The following SLC8A3 variants were observed in gnomAD, a reference collection of about 807,000 sequenced individuals.
SLC8A3 encodes the protein sodium/calcium exchanger 3.
A neutral mutation model predicts 65.4 loss-of-function variants in SLC8A3; 37 were observed. That is an observed-to-expected ratio of 0.57 (90% confidence interval 0.44 to 0.74). The LOEUF is 0.74. SLC8A3 is among the 30% of genes least tolerant of loss of function. SLC8A3 has a pLI of 0.00. For missense variants in SLC8A3, 1,112 were observed against 1,172.1 expected (o/e 0.95, Z 0.75); for synonymous variants, 461 against 444.5 (o/e 1.04, Z -0.47).
At chr14:70,187,634 T>TG (rs1883415893) in intron 1 of SLC8A3, among the ~76,000 whole-genome samples, 8 of 148,214 alleles carry the variant, frequency 5.4e-5, no homozygotes, top group Non-Finnish European at 1.0e-4. Context: ...TGTGTGTGTG[T>TG]GTGTGTCCGC....
intron 5 of SLC8A3, 151 bp from the exon 6 acceptor site, chr14:70,049,193 G>A (rs1887170628): frequency 1.3e-6 from 1 of 756,934 alleles, no homozygotes; most frequent in African/African-American, 1.7e-5. Context: ...GGGCCAGCGT[G>A]CCAGAAAATA....
chr14:70,184,875 T>C (rs558397792), intron 1 of SLC8A3, among the ~76,000 whole-genome samples: 1 of 152,324 alleles, frequency 6.6e-6, no homozygotes, highest in Admixed American at 6.5e-5. Flanking sequence ...TGGAGTTCAA[T>C]GTTTTTCTGA....
chr14:70,157,157 G>T (rs573827023), intron 2 of SLC8A3, among the ~76,000 whole-genome samples: 1 of 152,220 alleles, frequency 6.6e-6, no homozygotes, highest in South Asian at 2.1e-4. Context: ...CCAGCCTACC[G>T]CCCCAGTACA....
At chr14:70,121,093 CT>C (rs548781931) in intron 2 of SLC8A3, among the ~76,000 whole-genome samples, 24 of 152,218 alleles carry the variant, frequency 1.6e-4, no homozygotes, top group African/African-American at 5.8e-4. Flanking sequence ...TCAGAAATGT[CT>C]TTTTTTCCCC....
chr14:70,140,262 G>T (rs1220037483), intron 2 of SLC8A3, among the ~76,000 whole-genome samples: 2 of 152,170 alleles, frequency 1.3e-5, no homozygotes, highest in Non-Finnish European at 2.9e-5. Flanking sequence ...CTGTCCCATT[G>T]TGATACCTTC....
chr14:70,133,075 A>G (rs1381965476), intron 2 of SLC8A3, among the ~76,000 whole-genome samples: 2 of 148,848 alleles, frequency 1.3e-5, no homozygotes, highest in Non-Finnish European at 2.9e-5. Flanking sequence ...GCAGCCCCTG[A>G]GACCAAACAG....
chr14:70,121,114 C>CA (rs1426347480), intron 2 of SLC8A3, among the ~76,000 whole-genome samples: 2 of 152,040 alleles, frequency 1.3e-5, no homozygotes, highest in Non-Finnish European at 2.9e-5. Flanking sequence ...CATATCAGTT[C>CA]AAAAAATACT....
intron 2 of SLC8A3, among the ~76,000 whole-genome samples, chr14:70,074,766 A>G (rs1890326682): frequency 1.3e-5 from 2 of 152,248 alleles, no homozygotes; most frequent in African/African-American, 4.8e-5. Flanking sequence ...TAATGCAATG[A>G]TTTTTAAAAG....
chr14:70,162,371 C>T (rs1404272025), intron 2 of SLC8A3, among the ~76,000 whole-genome samples: 1 of 152,174 alleles, frequency 6.6e-6, no homozygotes, highest in Non-Finnish European at 1.5e-5. Context: ...AGTTACCTTC[C>T]CTTTCTGAAT....
chr14:70,085,648 T>A (rs1165966235), intron 2 of SLC8A3, among the ~76,000 whole-genome samples: 1 of 152,212 alleles, frequency 6.6e-6, no homozygotes, highest in Non-Finnish European at 1.5e-5. Flanking sequence ...GATTTCGCAG[T>A]CCAATGGGGA....
intron 2 of SLC8A3, among the ~76,000 whole-genome samples, chr14:70,108,752 A>T (rs1435327004): frequency 3.3e-5 from 5 of 152,192 alleles, no homozygotes; most frequent in African/African-American, 7.2e-5. Context: ...TATAATGCAA[A>T]ACTGCCTTCA....
intron 2 of SLC8A3, among the ~76,000 whole-genome samples, chr14:70,144,819 G>C (rs1054849066): frequency 2.0e-5 from 3 of 152,018 alleles, no homozygotes; most frequent in Admixed American, 6.6e-5. Flanking sequence ...ATTTTTTAAT[G>C]CTTATAGGTT....
chr14:70,079,647 C>A (rs1890865078), intron 2 of SLC8A3, among the ~76,000 whole-genome samples: 1 of 152,136 alleles, frequency 6.6e-6, no homozygotes, highest in Admixed American at 6.6e-5. Flanking sequence ...CACCCCCATG[C>A]CATATAATCA....
At chr14:70,140,884 C>T (rs1050316921) in intron 2 of SLC8A3, among the ~76,000 whole-genome samples, 1 of 152,158 alleles carries the variant, frequency 6.6e-6, no homozygotes, top group African/African-American at 2.4e-5. Context: ...GATTACTTCC[C>T]CCTAATTAGA....
chr14:70,187,260 GGAGAGAGAGAGAAA>G (rs980705228), intron 1 of SLC8A3: 5 of 145,684 alleles, frequency 3.4e-5, no homozygotes, highest in African/African-American at 1.3e-4. Context: ...CAGGAAAGGG[GGAGAGAGAGAGAAA>G]GAGAGAGAGA....
At chr14:70,159,521 G>A (rs1896761816) in intron 2 of SLC8A3, among the ~76,000 whole-genome samples, 1 of 152,128 alleles carries the variant, frequency 6.6e-6, no homozygotes, top group Admixed American at 6.5e-5. Flanking sequence ...AGTTGACAGG[G>A]CCTAGCTAAA....
chr14:70,082,715 T>C (rs1444689047), intron 2 of SLC8A3, among the ~76,000 whole-genome samples: 1 of 152,168 alleles, frequency 6.6e-6, no homozygotes, highest in Non-Finnish European at 1.5e-5. Context: ...GTTTCTCCAA[T>C]GCTTGGCCAA....
chr14:70,175,225 T>G (rs1897828112), intron 1 of SLC8A3, among the ~76,000 whole-genome samples: 1 of 152,202 alleles, frequency 6.6e-6, no homozygotes, highest in Non-Finnish European at 1.5e-5. Flanking sequence ...TCATATATAT[T>G]CATCAGGCAC....
At chr14:70,052,405 C>T (rs1887614111) in intron 3 of SLC8A3, among the ~76,000 whole-genome samples, 1 of 152,208 alleles carries the variant, frequency 6.6e-6, no homozygotes, top group South Asian at 2.1e-4. Context: ...TCTCAAGACA[C>T]TCAGTGAGAT....
Sources: allele counts gnomAD v4.1 joint callset (sites outside exome capture counted in the v4.1 genomes callset), GRCh38; gene constraint gnomAD v4.1.1; transcripts MANE v1.5; gene names NCBI Gene and HGNC (gene_info 2026-07-23, HGNC 2026-07-21).